Variants in LRP1 observed in about 807,000 individuals in gnomAD.
LRP1 encodes LDL receptor related protein 1.
A neutral mutation model predicts 541.5 loss-of-function variants in LRP1; 51 were observed. That is an observed-to-expected ratio of 0.09 (90% CI 0.08 to 0.12). The LOEUF (loss-of-function observed/expected upper bound fraction) is 0.12, where lower values mean the gene tolerates loss of function less well. Ranked by LOEUF, LRP1 falls within the 10% of genes least tolerant of loss-of-function variation. LRP1 has a pLI of 1.00. For missense variants in LRP1, 3,878 were observed against 6,376.2 expected (o/e 0.61, Z 13.34); for synonymous variants, 2,219 against 2,470.8 (o/e 0.90, Z 3.02).
intron 76 of LRP1, among the ~76,000 whole-genome samples, chr12:57,207,318 TAAA>T (rs1565755885): frequency 7.7e-4 from 29 of 37,790 alleles, no homozygotes; most frequent in Admixed American, 2.2e-3. Flanking sequence ...AATAAATAAA[TAAA>T]TAAAATAAAA....
chr12:57,205,289 G>A lies in LRP1; in HGVS notation c.11335+40G>A, dbSNP rs759110399. On this transcript the variant is annotated intron_variant, in intron 73 of 88. Coordinates refer to ENST00000243077, the MANE Select transcript of LRP1 (RefSeq NM_002332.3). The surrounding 1 kb of genome is among the most constrained non-coding windows in gnomAD (Gnocchi z 4.6). ...CGGACCGGACGCTGGTGGGGAGTGG[G>A]GAGAGCCAAGCCCTGGCCTGGGGTG... 2.5e-6 allele frequency: 4 copies of A among 1,596,836 alleles called. No individual in the cohort carries two copies. Among genetic ancestry groups the A allele is most frequent in the Non-Finnish European group, 3.4e-6 (4 of 1,168,992 alleles).
At chr12:57,170,087 T>C (rs889883365) in intron 20 of LRP1, among the ~76,000 whole-genome samples, 15 of 152,264 alleles carry the variant, frequency 9.9e-5, no homozygotes, top group African/African-American at 3.4e-4. Context: ...CGCGGTTTGC[T>C]GGCAATCTTT....
chr12:57,146,314 G>A (rs1005862063), intron 6 of LRP1, among the ~76,000 whole-genome samples: 2 of 152,274 alleles, frequency 1.3e-5, no homozygotes, highest in Admixed American at 6.5e-5. Flanking sequence ...GACCCCCTAA[G>A]GGAGATTAAC....
At position 57,180,821 on chromosome 12, in the gene LRP1, C is replaced by T. The variant is rs111767553; in HGVS notation, c.5527+14C>T. On this transcript the variant is annotated intron_variant, in intron 33 of 88. Coordinates refer to ENST00000243077, the MANE Select transcript of LRP1 (RefSeq NM_002332.3). ...GCATCCAGCTGGGTAGGTGCGAGGC[C>T]GGGCGGCCGCTGGGGGCTCAGGGGC... The T allele has an allele frequency of 1.5e-5, 24 of 1,612,826 alleles. No homozygotes were observed. The highest frequency in any genetic ancestry group is 1.2e-4 in the African/African-American group (9 of 75,060).
At chr12:57,159,216 C>T (rs34505337) in intron 11 of LRP1, among the ~76,000 whole-genome samples, 8,715 of 152,208 alleles carry the variant, frequency 0.057, 368 homozygotes, top group East Asian at 0.22. Context: ...GATCAGGCCG[C>T]CTCCCCATCA....
At chr12:57,181,875 C>G (rs568026576) in intron 34 of LRP1, among the ~76,000 whole-genome samples, 1 of 152,278 alleles carries the variant, frequency 6.6e-6, no homozygotes, top group South Asian at 2.1e-4. Flanking sequence ...CAAGAACCTG[C>G]TAACTGATTT....
chr12:57,141,532 T>C, intron 3 of LRP1, 21 bp downstream of exon 3: 5 of 1,614,078 alleles, frequency 3.1e-6, no homozygotes, highest in South Asian at 1.1e-5. Flanking sequence ...TTCCACTCTC[T>C]ACTCTCCCGT....
intron 79 of LRP1, 108 bp downstream of exon 79, chr12:57,209,307 C>A: frequency 1.1e-6 from 1 of 911,466 alleles, no homozygotes; most frequent in South Asian, 1.5e-5. Context: ...TGTCACTGAC[C>A]CCCAGCAATG....
chr12:57,205,235 A>G lies in LRP1; in HGVS notation c.11321A>G (p.Glu3774Gly), dbSNP rs780875707. Reference sequence around the variant, plus strand: ...GACTGCGGGGACGGCTCTGACGAGGAGGACTGCAGCATCGGTGAGGCCCGG... The same window carrying G: ...GACTGCGGGGACGGCTCTGACGAGGGGGACTGCAGCATCGGTGAGGCCCGG... ...FDDCGDGSDE[E>G]DCSIDPKLTS... is the part of the protein sequence containing the mutation. The change falls in exon 73 of 89, where the codon GAG (glutamate) becomes GGG (glycine). Residue 3774 changes from glutamate to glycine, a missense_variant. Around this residue, in one of 13 missense-constraint regions of LRP1, gnomAD observed 871 missense variants for 1,212.4 expected, o/e 0.72. Coordinates refer to ENST00000243077, the MANE Select transcript of LRP1 (RefSeq NM_002332.3). The surrounding 1 kb of genome is among the most constrained non-coding windows in gnomAD (Gnocchi z 4.6). The G allele has an allele frequency of 1.9e-6, 3 of 1,611,976 alleles. No individual in the cohort carries two copies. Among genetic ancestry groups the G allele is most frequent in the Admixed American group, 1.7e-5 (1 of 59,964 alleles).
intron 20 of LRP1, among the ~76,000 whole-genome samples, chr12:57,171,923 G>T (rs1214913508): frequency 6.6e-6 from 1 of 152,088 alleles, no homozygotes; most frequent in Admixed American, 6.5e-5. Flanking sequence ...CCTCCAGCCT[G>T]TACTGGCTCC....
chr12:57,128,911 A>G lies in LRP1; in HGVS notation c.-54A>G. The G allele has an allele frequency of 2.0e-6, 3 of 1,473,374 alleles. No homozygotes were observed. Among genetic ancestry groups the G allele is most frequent in the African/African-American group, 1.4e-5 (1 of 71,522 alleles). The allele number at this position is 1,473,374 out of a possible 1,614,324, so 91.3% of individuals were successfully genotyped here. A position where few individuals can be genotyped will look rare whatever the true frequency, so the allele number is the denominator to read the frequency against. On this transcript the variant is annotated 5_prime_UTR_variant, in exon 1 of 89. Coordinates refer to ENST00000243077, the MANE Select transcript of LRP1 (RefSeq NM_002332.3). ...ACCCCCCAACTGGGGGGGGTGAAGGAGAGAAGTAGCAGGACCAGAGGGGAA... is the reference window on the plus strand; with the variant it reads ...ACCCCCCAACTGGGGGGGGTGAAGGGGAGAAGTAGCAGGACCAGAGGGGAA...
intron 50 of LRP1, 49 bp downstream of exon 50, chr12:57,194,748 C>T (rs757370624): frequency 6.6e-7 from 1 of 1,517,424 alleles, no homozygotes; most frequent in Non-Finnish European, 8.8e-7. Context: ...TGCTGGGCCC[C>T]ACTTCTTAGT....
chr12:57,157,195 T>G (rs1472932221), intron 10 of LRP1, among the ~76,000 whole-genome samples: 1 of 152,266 alleles, frequency 6.6e-6, no homozygotes, highest in Admixed American at 6.5e-5. Context: ...GGCACTGTTC[T>G]GGTCATCAGG....
rs933490962 is a variant in LRP1 at position 57,173,002 on chromosome 12, A to G, written c.3164-166A>G. ...AGGTGTGATGCCTCCTGACTCTACT[A>G]CTGAGTTGGTGCTTCCAAGGAGTGT... On this transcript the variant is annotated intron_variant, in intron 20 of 88. Coordinates refer to ENST00000243077, the MANE Select transcript of LRP1 (RefSeq NM_002332.3). The surrounding 1 kb of genome is among the most constrained non-coding windows in gnomAD (Gnocchi z 4.7). Among the ~76,000 whole-genome samples the G allele has an allele frequency of 3.9e-5, 6 of 152,072 alleles. No homozygotes were observed. Among genetic ancestry groups the G allele is most frequent in the African/African-American group, 1.4e-4 (6 of 41,398 alleles).
In LRP1 at chr12:57,200,429, A is replaced by T; in HGVS notation, c.10015-13A>T. 1 of 839,350 alleles carries T rather than the reference A, an allele frequency of 1.2e-6. No homozygotes were observed. Among genetic ancestry groups the T allele is most frequent in the Non-Finnish European group, 1.7e-6 (1 of 591,004 alleles). The allele number at this position is 839,350 out of a possible 1,614,324, so 52.0% of individuals were successfully genotyped here. On this transcript the variant is annotated splice_polypyrimidine_tract_variant and intron_variant, in intron 62 of 88. Coordinates refer to ENST00000243077, the MANE Select transcript of LRP1 (RefSeq NM_002332.3). ...ACCCCCACCAACCCCTCTTGCCCCC[A>T]CCTGCCCTCCAGTTTGTATGCAAGA...
At chr12:57,200,381 A>C in intron 62 of LRP1, 61 bp from the exon 63 acceptor site, 3 of 1,041,400 alleles carry the variant, frequency 2.9e-6, no homozygotes, top group Non-Finnish European at 4.5e-6. Flanking sequence ...GCCCCTCAAA[A>C]GAAAGACTTC....
rs1475031424 is a variant in LRP1, at chr12:57,196,235, T to C, written c.8850T>C (p.Ser2950=). ...ATGAGTGTCTCAGCCGCAAGCTCAG[T>C]GGCTGCAGCCAGGACTGTGAGGACC... is the stretch of plus-strand genomic sequence containing the variant. ...HINECLSRKL[S]GCSQDCEDLK... is the part of the protein sequence containing the mutation. The change falls in exon 55 of 89, where the codon AGT becomes AGC. Residue 2950 remains serine (S), a synonymous_variant. Coordinates refer to ENST00000243077, the MANE Select transcript of LRP1 (RefSeq NM_002332.3). 1 of 1,609,980 alleles carries C rather than the reference T, an allele frequency of 6.2e-7. No individual in the cohort carries two copies. Among genetic ancestry groups the C allele is most frequent in the South Asian group, 1.1e-5 (1 of 90,688 alleles).
At position 57,180,435 on chromosome 12, in the gene LRP1, C is replaced by T. The variant is rs773209475; in HGVS notation, c.5342C>T (p.Ala1781Val). The T allele has an allele frequency of 6.2e-6, 10 of 1,614,118 alleles. No individual in the cohort carries two copies. In the South Asian group the frequency reaches 9.9e-5, roughly 16 times the overall value. Reference protein sequence around the residue: ...LDGSGLEVIDAMRSQLGKATA... With the variant: ...LDGSGLEVIDVMRSQLGKATA... ...GGGAGTGGGCTGGAGGTCATCGATG[C>T]CATGCGGAGCCAGCTGGGCAAGGCC... is the stretch of plus-strand genomic sequence containing the variant. Residue 1781 changes from alanine to valine, a missense_variant, in exon 32 of 89, where the codon GCC (alanine) becomes GTC (valine). Coordinates refer to ENST00000243077, the MANE Select transcript of LRP1 (RefSeq NM_002332.3).
At chr12:57,136,395 G>GCCCCCCCC (rs35376308) in intron 1 of LRP1, among the ~76,000 whole-genome samples, 49 of 99,124 alleles carry the variant, frequency 4.9e-4, no homozygotes, top group Non-Finnish European at 5.7e-4. Flanking sequence ...CCTCCTAAGA[G>GCCCCCCCC]CCCCCCCCCC....
Sources: allele counts gnomAD v4.1 joint callset (sites outside exome capture counted in the v4.1 genomes callset), GRCh38; gene constraint gnomAD v4.1.1; regional missense constraint gnomAD v4.1.1; non-coding constraint Gnocchi (gnomAD v3.1); transcripts MANE v1.5; gene names NCBI Gene and HGNC (gene_info 2026-07-23, HGNC 2026-07-21).